Variants in DCC observed in about 807,000 individuals in gnomAD.
DCC encodes the protein DCC netrin 1 receptor, also known as netrin receptor DCC.
In DCC, 58 loss-of-function variants were observed where a neutral mutation model predicts 172.5. The observed-to-expected ratio is 0.34, with a 90% CI of 0.27 to 0.42. DCC has a LOEUF of 0.42. Among genes scored for constraint, DCC ranks in the 10% least tolerant of loss-of-function variants. DCC has a pLI of 1.00. For missense variants in DCC, 1,740 were observed against 1,791.0 expected (o/e 0.97, Z 0.51); for synonymous variants, 709 against 644.5 (o/e 1.10, Z -1.52).
chr18:52,465,930 A>G (rs958041985), intron 1 of DCC, among the ~76,000 whole-genome samples: 9 of 152,216 alleles, frequency 5.9e-5, no homozygotes, highest in Admixed American at 1.3e-4. Flanking sequence ...GAAAACAGCA[A>G]TGATTATACA....
At chr18:53,415,008 C>T (rs1402748152) in intron 20 of DCC, among the ~76,000 whole-genome samples, 1 of 152,098 alleles carries the variant, frequency 6.6e-6, no homozygotes, top group Non-Finnish European at 1.5e-5. Context: ...TAGACATAAA[C>T]CCTGTTCATC....
intron 1 of DCC, among the ~76,000 whole-genome samples, chr18:52,548,508 T>A (rs2032676943): frequency 6.6e-6 from 1 of 152,066 alleles, no homozygotes; most frequent in South Asian, 2.1e-4. Context: ...AGCGTCCACA[T>A]CAGTTCTAGG....
intron 10 of DCC, among the ~76,000 whole-genome samples, chr18:53,207,231 G>T (rs2055666847): frequency 6.6e-6 from 1 of 152,150 alleles, no homozygotes; most frequent in South Asian, 2.1e-4. Context: ...CATTTTGGGA[G>T]ATAAAAATTG....
rs550968480 is a variant in DCC, at chr18:53,279,525, A to T, written c.1912-26053A>T. ...GGTGGGGGGAGGGGGGAGAGATAGC[A>T]TTAGGAGATATACCTAATGTTAAAT... On this transcript the variant is annotated intron_variant, in intron 12 of 28. Coordinates refer to ENST00000442544, the MANE Select transcript of DCC (RefSeq NM_005215.4). 2.1e-3 allele frequency among the ~76,000 whole-genome samples: 311 copies of T among 150,718 alleles called. 1 individual carries two copies. Among genetic ancestry groups the T allele is most frequent in the African/African-American group, 7.1e-3 (293 of 41,044 alleles).
At chr18:53,192,268 G>A (rs2055376735) in intron 9 of DCC, among the ~76,000 whole-genome samples, 1 of 152,164 alleles carries the variant, frequency 6.6e-6, no homozygotes, top group African/African-American at 2.4e-5. Context: ...TATTGTCAAG[G>A]TCAGATGTGT....
At chr18:53,516,458 A>T (rs1290620534) in intron 27 of DCC, among the ~76,000 whole-genome samples, 1 of 147,162 alleles carries the variant, frequency 6.8e-6, no homozygotes, top group Non-Finnish European at 1.5e-5. Flanking sequence ...ATGGGATCTA[A>T]TTAAACTAAA....
At chr18:52,715,607 C>A (rs895063384) in intron 1 of DCC, among the ~76,000 whole-genome samples, 1 of 152,086 alleles carries the variant, frequency 6.6e-6, no homozygotes, top group Non-Finnish European at 1.5e-5. Flanking sequence ...GCCCGGCCAG[C>A]ACTACATTTT....
intron 9 of DCC, among the ~76,000 whole-genome samples, chr18:53,182,013 C>T (rs1292863018): frequency 1.3e-5 from 2 of 152,226 alleles, no homozygotes; most frequent in Non-Finnish European, 2.9e-5. Context: ...ATCACACATT[C>T]CTTCCCATTC....
intron 15 of DCC, among the ~76,000 whole-genome samples, chr18:53,351,320 G>GTATATATA (rs201328758): frequency 6.7e-5 from 2 of 29,630 alleles, no homozygotes; most frequent in African/African-American, 2.3e-4. Flanking sequence ...TATATACACT[G>GTATATATA]TATATATATA....
At chr18:53,009,541 A>C (rs2041696537) in intron 5 of DCC, among the ~76,000 whole-genome samples, 2 of 151,680 alleles carry the variant, frequency 1.3e-5, no homozygotes, top group South Asian at 4.2e-4. Context: ...TAAAACTCTG[A>C]ATTCAGGTTT....
intron 21 of DCC, among the ~76,000 whole-genome samples, chr18:53,432,831 A>T (rs145539558): frequency 2.4e-3 from 358 of 152,158 alleles, no homozygotes; most frequent in African/African-American, 8.1e-3. Flanking sequence ...GAAACTTAAC[A>T]TCACTCAAAA....
intron 5 of DCC, among the ~76,000 whole-genome samples, chr18:53,038,896 C>T (rs2042129711): frequency 6.7e-6 from 1 of 148,656 alleles, no homozygotes; most frequent in Admixed American, 6.8e-5. Context: ...AGTAGAAATG[C>T]ATTAAAAAAA....
At chr18:53,332,255 A>T (rs2057536938) in intron 14 of DCC, among the ~76,000 whole-genome samples, 1 of 152,138 alleles carries the variant, frequency 6.6e-6, no homozygotes, top group Non-Finnish European at 1.5e-5. Context: ...TTCTTTTTCT[A>T]TCTAGGCAAA....
chr18:53,297,822 G>T (rs776457278), intron 12 of DCC, among the ~76,000 whole-genome samples: 1 of 152,114 alleles, frequency 6.6e-6, no homozygotes, highest in Non-Finnish European at 1.5e-5. Flanking sequence ...ATCTACTAAA[G>T]AACCTAAGAA....
intron 5 of DCC, among the ~76,000 whole-genome samples, chr18:52,930,408 C>A (rs1464252382): frequency 6.6e-6 from 1 of 152,134 alleles, no homozygotes; most frequent in Non-Finnish European, 1.5e-5. Flanking sequence ...TCCTGGGGAA[C>A]ATAGCAAGAT....
intron 5 of DCC, among the ~76,000 whole-genome samples, chr18:53,012,345 GTAAT>G (rs753451840): frequency 4.0e-5 from 6 of 151,866 alleles, no homozygotes; most frequent in Non-Finnish European, 8.8e-5. Context: ...ATACTGAACA[GTAAT>G]TAATGCACAA....
chr18:52,513,821 A>G (rs1346333925), intron 1 of DCC, among the ~76,000 whole-genome samples: 1 of 152,198 alleles, frequency 6.6e-6, no homozygotes, highest in African/African-American at 2.4e-5. Flanking sequence ...ATGTCCAGCA[A>G]AAGTTCTTTG....
At chr18:53,268,458 T>C (rs2056708136) in intron 12 of DCC, among the ~76,000 whole-genome samples, 1 of 152,202 alleles carries the variant, frequency 6.6e-6, no homozygotes, top group Non-Finnish European at 1.5e-5. Context: ...GAAATATTTT[T>C]TCTTCCTTTC....
intron 2 of DCC, among the ~76,000 whole-genome samples, chr18:52,778,492 TAA>T (rs1241665181): frequency 5.3e-5 from 8 of 152,236 alleles, no homozygotes; most frequent in South Asian, 2.1e-4. Context: ...AACATAAAAA[TAA>T]AGACATTCTA....
Sources: gnomAD v4.1 joint callset for allele counts (sites outside exome capture counted in the v4.1 genomes callset) on GRCh38, gnomAD v4.1.1 for gene constraint, MANE v1.5 for transcripts, NCBI Gene and HGNC (gene_info 2026-07-23, HGNC 2026-07-21) for gene names.